The following PPM1L variants were observed in gnomAD, a reference collection of about 807,000 sequenced individuals.
PPM1L encodes the protein protein phosphatase, Mg2+/Mn2+ dependent 1L, also known as protein phosphatase 1L.
In PPM1L, 13 loss-of-function variants were observed where a neutral mutation model predicts 31.4. That is an observed-to-expected ratio of 0.41 (90% CI 0.27 to 0.66). The LOEUF is 0.66. Ranked by LOEUF, PPM1L falls within the 30% of genes least tolerant of loss-of-function variation. The probability of loss-of-function intolerance (pLI) is 0.29; values close to 1 mark genes in which losing one functional copy is unlikely to be tolerated. For synonymous variants in PPM1L, 184 were observed against 175.4 expected (o/e 1.05, Z -0.39); for missense variants, 326 against 453.7 (o/e 0.72, Z 2.56).
Position 160,756,789 on chromosome 3 carries a change from G to GTA in PPM1L, c.399+85_399+86dup, listed in dbSNP as rs1553803138. On this transcript the variant is annotated intron_variant, in intron 1 of 3. Transcript: ENST00000498165. The surrounding 1 kb of genome is among the most constrained non-coding windows in gnomAD (Gnocchi z 6.2). ...TGTGTGTGTGTGTGTGTGTGTGTGTGTATAAACAACAGGACAGCGTGTGCG... is the reference window on the plus strand; with the variant it reads ...TGTGTGTGTGTGTGTGTGTGTGTGTGTATATAAACAACAGGACAGCGTGTGCG... The GTA allele has an allele frequency of 3.1e-5, 40 of 1,285,828 alleles. No individual in the cohort carries two copies. Among genetic ancestry groups the GTA allele is most frequent in the Non-Finnish European group, 3.7e-5 (35 of 940,012 alleles). The allele number at this position is 1,285,828 out of a possible 1,614,324, so 79.7% of individuals were successfully genotyped here. A position where few individuals can be genotyped will look rare whatever the true frequency, so the allele number is the denominator to read the frequency against.
intron 2 of PPM1L, among the ~76,000 whole-genome samples, chr3:161,013,482 G>T (rs1717965497): frequency 6.6e-6 from 1 of 152,210 alleles, no homozygotes; most frequent in Admixed American, 6.5e-5. Flanking sequence ...ATGTGATGCT[G>T]AGAAGAATGT....
At chr3:161,029,783 A>G (rs374350961) in intron 2 of PPM1L, among the ~76,000 whole-genome samples, 2 of 152,044 alleles carry the variant, frequency 1.3e-5, no homozygotes, top group African/African-American at 4.8e-5. Context: ...TTTCCTTGCT[A>G]TTCTACTGAG....
chr3:161,065,652 A>C, intron 3 of PPM1L, 88 bp downstream of exon 3: 2 of 1,291,262 alleles, frequency 1.5e-6, no homozygotes, highest in Admixed American at 1.9e-5. Flanking sequence ...TAAAATGTCC[A>C]GTTATGCAGT....
At chr3:161,033,189 A>G (rs143122021) in intron 2 of PPM1L, among the ~76,000 whole-genome samples, 3,800 of 152,274 alleles carry the variant, frequency 0.025, 84 homozygotes, top group South Asian at 0.044. Flanking sequence ...ACGAAATAAG[A>G]GAGGACACAA....
At chr3:160,777,183 C>G (rs574598159) in intron 1 of PPM1L, among the ~76,000 whole-genome samples, 20 of 151,854 alleles carry the variant, frequency 1.3e-4, no homozygotes, top group Non-Finnish European at 2.5e-4. Context: ...ATTAGTCAGG[C>G]ATGGTGGTGC....
At chr3:160,810,969 T>G (rs1712786673) in intron 1 of PPM1L, among the ~76,000 whole-genome samples, 1 of 152,190 alleles carries the variant, frequency 6.6e-6, no homozygotes, top group Non-Finnish European at 1.5e-5. Flanking sequence ...CAGAGGCCTT[T>G]GATCATACTG....
chr3:160,945,375 C>A (rs1284685204), intron 1 of PPM1L, among the ~76,000 whole-genome samples: 1 of 151,962 alleles, frequency 6.6e-6, no homozygotes, highest in East Asian at 1.9e-4. Flanking sequence ...GATGTTTGGG[C>A]TTCAGTTTGC....
intron 1 of PPM1L, among the ~76,000 whole-genome samples, chr3:160,810,239 C>G (rs1018842633): frequency 6.6e-6 from 1 of 152,022 alleles, no homozygotes; most frequent in African/African-American, 2.4e-5. Context: ...GGTCTTCATC[C>G]TGACTGTCCT....
intron 1 of PPM1L, among the ~76,000 whole-genome samples, chr3:160,884,815 A>T (rs1172171835): frequency 6.6e-6 from 1 of 151,624 alleles, no homozygotes; most frequent in Non-Finnish European, 1.5e-5. Flanking sequence ...AATAAAACAG[A>T]TTTCTTTACT....
At chr3:161,043,993 G>T (rs998623740) in intron 2 of PPM1L, among the ~76,000 whole-genome samples, 1 of 152,082 alleles carries the variant, frequency 6.6e-6, no homozygotes, top group Non-Finnish European at 1.5e-5. Context: ...TACCTCATTT[G>T]TATGCTGTAC....
intron 1 of PPM1L, among the ~76,000 whole-genome samples, chr3:160,955,342 T>C (rs1715735031): frequency 6.6e-6 from 1 of 152,118 alleles, no homozygotes; most frequent in East Asian, 1.9e-4. Context: ...AAAATTGGTC[T>C]TTAAATTCTA....
At chr3:161,060,512 G>A (rs1298827325) in intron 2 of PPM1L, among the ~76,000 whole-genome samples, 1 of 152,128 alleles carries the variant, frequency 6.6e-6, no homozygotes, top group Non-Finnish European at 1.5e-5. Flanking sequence ...AACTGGAAGG[G>A]TTTAAGAGAT....
At chr3:160,862,941 C>A (rs1711957264) in intron 1 of PPM1L, among the ~76,000 whole-genome samples, 2 of 152,052 alleles carry the variant, frequency 1.3e-5, no homozygotes, top group South Asian at 4.2e-4. Flanking sequence ...AATAAAAAAT[C>A]AAACTGCCAT....
chr3:160,869,865 C>T (rs1712238458), intron 1 of PPM1L, among the ~76,000 whole-genome samples: 1 of 152,162 alleles, frequency 6.6e-6, no homozygotes, highest in African/African-American at 2.4e-5. Flanking sequence ...AATGTAGTTG[C>T]ATAGAGCTTA....
At chr3:161,001,595 T>C (rs1218862815) in intron 2 of PPM1L, among the ~76,000 whole-genome samples, 1 of 152,172 alleles carries the variant, frequency 6.6e-6, no homozygotes, top group Non-Finnish European at 1.5e-5. Flanking sequence ...TAGGAAAATA[T>C]ATGAAACTCA....
At chr3:160,761,651 T>C (rs986307234) in intron 1 of PPM1L, among the ~76,000 whole-genome samples, 2 of 152,234 alleles carry the variant, frequency 1.3e-5, no homozygotes, top group Admixed American at 6.5e-5. Flanking sequence ...TTTCCTACAC[T>C]CAATTTTCCT....
chr3:160,865,573 G>A (rs1219646072), intron 1 of PPM1L, among the ~76,000 whole-genome samples: 2 of 152,086 alleles, frequency 1.3e-5, no homozygotes, highest in Non-Finnish European at 2.9e-5. Context: ...TCAAGAGATC[G>A]AGACCATCCT....
intron 1 of PPM1L, among the ~76,000 whole-genome samples, chr3:160,845,691 T>A (rs1201686168): frequency 6.6e-6 from 1 of 152,064 alleles, no homozygotes; most frequent in Non-Finnish European, 1.5e-5. Flanking sequence ...AAATTTCTTA[T>A]GCTTCCTTCT....
chr3:160,908,421 T>C (rs571841264), intron 1 of PPM1L, among the ~76,000 whole-genome samples: 4 of 152,204 alleles, frequency 2.6e-5, no homozygotes, highest in Non-Finnish European at 5.9e-5. Context: ...TGGATAGTTG[T>C]TTATCAGTTT....
Sources: allele counts gnomAD v4.1 joint callset (sites outside exome capture counted in the v4.1 genomes callset), GRCh38; gene constraint gnomAD v4.1.1; non-coding constraint Gnocchi (gnomAD v3.1); transcripts MANE v1.5; gene names NCBI Gene and HGNC (gene_info 2026-07-23, HGNC 2026-07-21).